Variants in CEP192 observed in about 807,000 individuals in gnomAD.
CEP192 encodes centrosomal protein of 192 kDa.
CEP192 carries 151 observed loss-of-function variants against 271.8 expected under a neutral mutation model. The ratio of observed to expected loss-of-function variants is 0.56; its 90% CI spans 0.49 to 0.64. The LOEUF is 0.64. Among genes scored for constraint, CEP192 ranks in the 30% least tolerant of loss-of-function variants. The probability of loss-of-function intolerance (pLI) is 0.00; values close to 1 mark genes in which losing one functional copy is unlikely to be tolerated. For missense variants in CEP192, 2,910 were observed against 3,020.5 expected, an observed-to-expected ratio of 0.96 and a Z score of 0.86; for synonymous variants, 995 against 1,076.5, an observed-to-expected ratio of 0.92 and a Z score of 1.48.
At chr18:13,082,432 C>CTTTTTTTT (rs57663388) in intron 30 of CEP192, among the ~76,000 whole-genome samples, 3 of 49,942 alleles carry the variant, frequency 6.0e-5, no homozygotes, top group Non-Finnish European at 7.1e-5. Flanking sequence ...GCAACCCCTG[C>CTTTTTTTT]TTTTTTTTTT....
At chr18:13,017,372 A>G (rs1475366929) in intron 7 of CEP192, 36 bp downstream of exon 7, 3 of 1,451,816 alleles carry the variant, frequency 2.1e-6, no homozygotes, top group South Asian at 1.4e-5. Flanking sequence ...CAGAAATTTG[A>G]CATTAGAAAA....
intron 40 of CEP192, among the ~76,000 whole-genome samples, chr18:13,105,797 A>G (rs1242677805): frequency 6.6e-6 from 1 of 152,200 alleles, no homozygotes; most frequent in Non-Finnish European, 1.5e-5. Context: ...CCAAACCACA[A>G]CAGAAGCAAA....
intron 21 of CEP192, among the ~76,000 whole-genome samples, chr18:13,066,065 A>G (rs953988529): frequency 3.3e-5 from 5 of 152,220 alleles, no homozygotes; most frequent in African/African-American, 4.8e-5. Context: ...TTTACTTTCA[A>G]CATTAATATG....
chr18:13,072,671 G>C, intron 28 of CEP192, 84 bp from the exon 29 acceptor site: 1 of 879,722 alleles, frequency 1.1e-6, no homozygotes, highest in Non-Finnish European at 1.9e-6. Flanking sequence ...TAGACATTGT[G>C]GTTGGTTTTA....
At chr18:13,069,641 C>T (rs2037902431) in intron 26 of CEP192, 97 bp from the exon 27 acceptor site, 1 of 724,006 alleles carries the variant, frequency 1.4e-6, no homozygotes, top group Non-Finnish European at 2.5e-6. Flanking sequence ...AACAACCTGT[C>T]CTGGTAAATG....
chr18:13,110,895 C>T (rs1439479782), intron 40 of CEP192, among the ~76,000 whole-genome samples: 1 of 152,194 alleles, frequency 6.6e-6, no homozygotes, highest in Non-Finnish European at 1.5e-5. Flanking sequence ...AAAATGAAAG[C>T]CAAGAGACTC....
chr18:13,073,085 T>G lies in CEP192; in HGVS notation c.5516T>G (p.Phe1839Cys). 1 of 1,613,884 alleles carries G rather than the reference T, an allele frequency of 6.2e-7. No homozygotes were observed. Among genetic ancestry groups the G allele is most frequent in the African/African-American group, 1.3e-5 (1 of 75,070 alleles). The change falls in exon 30 of 45, where the codon TTC (phenylalanine) becomes TGC (cysteine). Residue 1839 changes from phenylalanine to cysteine, a missense_variant. Transcript: ENST00000506447. ...AGAATTCACCCAAAGGAAGACATTT[T>G]CATCTCTGTATTATTTGCACCTACT... ...EIRIHPKEDI[F>C]ISVLFAPTRL...
intron 15 of CEP192, among the ~76,000 whole-genome samples, chr18:13,044,070 A>G (rs1442183250): frequency 2.6e-5 from 4 of 152,140 alleles, no homozygotes; most frequent in Non-Finnish European, 5.9e-5. Flanking sequence ...CTGTTGTGCT[A>G]TCAAATGAAA....
In CEP192 at chr18:13,085,509, A is replaced by T. The variant is rs563136279; in HGVS notation, c.5617-1508A>T. On this transcript the variant is annotated intron_variant, in intron 30 of 44. Coordinates refer to ENST00000506447, the MANE Select transcript of CEP192 (RefSeq NM_032142.4). ...AATGGTATTGCCTAGGTTTTCTTCC[A>T]GAGTTTTAATGGTTTTATGTCTTAC... 9.8e-5 allele frequency among the ~76,000 whole-genome samples: 15 copies of T among 152,334 alleles called. No individual in the cohort carries two copies. In the South Asian group the frequency reaches 3.1e-3, roughly 32 times the overall value.
chr18:13,021,260 T>C (rs576342350), intron 9 of CEP192, among the ~76,000 whole-genome samples: 1 of 152,298 alleles, frequency 6.6e-6, no homozygotes, highest in East Asian at 1.9e-4. Flanking sequence ...AGAAAACGAT[T>C]GTTGATTTGT....
intron 6 of CEP192, among the ~76,000 whole-genome samples, chr18:13,015,987 C>T (rs556663488): frequency 7.2e-5 from 11 of 152,262 alleles, no homozygotes; most frequent in African/African-American, 2.6e-4. Context: ...TTAAAGTGAT[C>T]TGCCCACCTC....
Position 13,010,736 on chromosome 18 carries a change from C to T in CEP192, c.466+2105C>T, listed in dbSNP as rs142658279. 9.8e-3 allele frequency among the ~76,000 whole-genome samples: 1,486 copies of T among 152,104 alleles called. 26 individuals are homozygous for T. The highest frequency in any genetic ancestry group is 0.034 in the African/African-American group (1,405 of 41,484). Reference sequence around the variant, plus strand: ...TGGCACATGCCTTTAATCCCAGCTACGTGGGAGGCTGAGGCAGGAGAATCG... The same window carrying T: ...TGGCACATGCCTTTAATCCCAGCTATGTGGGAGGCTGAGGCAGGAGAATCG... On this transcript the variant is annotated intron_variant, in intron 4 of 44. Coordinates refer to ENST00000506447, the MANE Select transcript of CEP192 (RefSeq NM_032142.4).
At chr18:13,080,640 G>C (rs1403514228) in intron 30 of CEP192, among the ~76,000 whole-genome samples, 1 of 152,078 alleles carries the variant, frequency 6.6e-6, no homozygotes, top group African/African-American at 2.4e-5. Flanking sequence ...TCTTTCTCTT[G>C]CCTGATTGCC....
chr18:13,108,828 T>C (rs2040074961), intron 40 of CEP192, among the ~76,000 whole-genome samples: 1 of 152,180 alleles, frequency 6.6e-6, no homozygotes, highest in African/African-American at 2.4e-5. Context: ...TGAGCTGAGA[T>C]TGTGCCACTG....
At chr18:13,108,943 C>G (rs888676383) in intron 40 of CEP192, among the ~76,000 whole-genome samples, 1 of 152,160 alleles carries the variant, frequency 6.6e-6, no homozygotes. Flanking sequence ...AATGCTTATA[C>G]ACTTAGTGTG....
At chr18:13,031,113 A>C (rs2035595478) in intron 11 of CEP192, among the ~76,000 whole-genome samples, 1 of 152,214 alleles carries the variant, frequency 6.6e-6, no homozygotes, top group Non-Finnish European at 1.5e-5. Flanking sequence ...TTAGGTCTAC[A>C]CAATGCCAGG....
At chr18:13,047,699 T>TTTG (rs1010641347) in intron 15 of CEP192, among the ~76,000 whole-genome samples, 6 of 152,198 alleles carry the variant, frequency 3.9e-5, no homozygotes, top group African/African-American at 4.8e-5. Flanking sequence ...ACATGTATTT[T>TTTG]TTGTTGTTGT....
At chr18:13,071,700 T>C (rs1352504924) in intron 28 of CEP192, among the ~76,000 whole-genome samples, 1 of 151,680 alleles carries the variant, frequency 6.6e-6, no homozygotes, top group Non-Finnish European at 1.5e-5. Flanking sequence ...GGAGGTAGTA[T>C]TTACTGTAAA....
chr18:13,097,649 A>ATTTTTTTTTTTTTTTTTTTTT, intron 36 of CEP192, among the ~76,000 whole-genome samples: 1 of 107,878 alleles, frequency 9.3e-6, no homozygotes, highest in Non-Finnish European at 2.0e-5. Flanking sequence ...TTTAACTATT[A>ATTTTTTTTTTTTTTTTTTTTT]TTTTTTTTTT....
Sources: gnomAD v4.1 joint callset for allele counts (sites outside exome capture counted in the v4.1 genomes callset) on GRCh38, gnomAD v4.1.1 for gene constraint, MANE v1.5 for transcripts, NCBI Gene and HGNC (gene_info 2026-07-23, HGNC 2026-07-21) for gene names.